Variants in ABCC6 observed in about 807,000 individuals in gnomAD.
ABCC6 encodes the protein ATP binding cassette subfamily C member 6.
ABCC6 carries 126 observed loss-of-function variants against 169.5 expected under a neutral mutation model. That is an observed-to-expected ratio of 0.74 (90% CI 0.64 to 0.86). ABCC6 has a LOEUF of 0.86. ABCC6 is among the 40% of genes least tolerant of loss of function. The pLI is 0.00. For missense variants in ABCC6, 1,733 were observed against 1,927.2 expected (o/e 0.90, Z 1.89); for synonymous variants, 752 against 814.7 (o/e 0.92, Z 1.31).
At position 16,177,315 on chromosome 16, in the gene ABCC6, G is replaced by A; in HGVS notation, c.2590+137C>T. 5.3e-6 allele frequency: 5 copies of A among 946,870 alleles called. No individual in the cohort carries two copies. The South Asian group carries it at 6.5e-5, about 12-fold the overall frequency. The allele number at this position is 946,870 out of a possible 1,614,324, so 58.7% of individuals were successfully genotyped here. A position where few individuals can be genotyped will look rare whatever the true frequency, so the allele number is the denominator to read the frequency against. On this transcript the variant is annotated intron_variant, in intron 19 of 30. Transcript: ENST00000205557. ...TGGAGAAAGGTGACCTATTAAGAGA[G>A]CTGTCTGCTTCCAGGCCTAGGCCTG...
At chr16:16,203,345 G>T (rs2048301606) in intron 8 of ABCC6, 65 bp downstream of exon 8, 1 of 1,608,832 alleles carries the variant, frequency 6.2e-7, no homozygotes, top group East Asian at 2.2e-5. Flanking sequence ...GAAGCCCCCT[G>T]GCCCTGGAAG....
chr16:16,179,065 G>A (rs2047386518), intron 17 of ABCC6, 100 bp from the exon 18 acceptor site: 2 of 1,327,876 alleles, frequency 1.5e-6, no homozygotes, highest in African/African-American at 1.5e-5. Flanking sequence ...CCATCAGGGT[G>A]AGGTACAGCT....
At chr16:16,206,929 G>C (rs1345210996) in intron 7 of ABCC6, among the ~76,000 whole-genome samples, 1 of 152,160 alleles carries the variant, frequency 6.6e-6, no homozygotes, top group African/African-American at 2.4e-5. Flanking sequence ...CTGAGGTCAG[G>C]AGTTCAAGAT....
chr16:16,189,205 G>T (rs755870681), intron 12 of ABCC6, among the ~76,000 whole-genome samples: 1 of 152,216 alleles, frequency 6.6e-6, no homozygotes, highest in South Asian at 2.1e-4. Context: ...TGATGAGTGC[G>T]CAGCCCCACG....
chr16:16,212,537 T>C (rs2048670628), intron 5 of ABCC6, among the ~76,000 whole-genome samples: 1 of 150,984 alleles, frequency 6.6e-6, no homozygotes, highest in South Asian at 2.1e-4. Context: ...CTCAAACTCC[T>C]AACCTCAAGT....
At chr16:16,161,364 G>T in intron 25 of ABCC6, 74 bp downstream of exon 25, 1 of 1,606,556 alleles carries the variant, frequency 6.2e-7, no homozygotes, top group South Asian at 1.1e-5. Flanking sequence ...GTCTTCAAAG[G>T]TCCCACTAGC....
intron 4 of ABCC6, among the ~76,000 whole-genome samples, chr16:16,217,166 A>G (rs1596767940): frequency 6.6e-6 from 1 of 152,074 alleles, no homozygotes; most frequent in East Asian, 1.9e-4. Flanking sequence ...TGGATTTTAT[A>G]CTCTTCTAGT....
chr16:16,187,413 G>A (rs1596671074), intron 13 of ABCC6, among the ~76,000 whole-genome samples: 2 of 152,196 alleles, frequency 1.3e-5, no homozygotes, highest in African/African-American at 2.4e-5. Context: ...CCACCTCTGC[G>A]ATCCTACAAA....
chr16:16,163,173 G>A lies in ABCC6; in HGVS notation c.3326C>T (p.Ser1109Leu), dbSNP rs758648156. 4.3e-6 allele frequency: 7 copies of A among 1,613,540 alleles called. No homozygotes were observed. The highest frequency in any genetic ancestry group is 5.9e-6 in the Non-Finnish European group (7 of 1,180,016). ...TGACTCCAAGCGTCTCAGCTGGCAT[G>A]AGCTAACCACATACAGGCTCTGAGA... ...AGFQSLYVVSSCQLRRLESAS... is the reference protein window; with the variant it reads ...AGFQSLYVVSLCQLRRLESAS... The change falls in exon 24 of 31, where the codon TCA becomes TTA. Residue 1109 changes from serine (S) to leucine (L), a missense_variant. This residue lies in a region of ABCC6 where 1,601 missense variants were observed against 1,635.5 expected (regional missense o/e 0.98). Transcript: ENST00000205557.
chr16:16,206,865 A>G (rs796879650), intron 7 of ABCC6, among the ~76,000 whole-genome samples: 12 of 152,126 alleles, frequency 7.9e-5, no homozygotes, highest in African/African-American at 2.9e-4. Context: ...AGTCAGGTGC[A>G]GTAGCTCACA....
chr16:16,217,489 C>G lies in ABCC6; in HGVS notation c.474+2065G>C, dbSNP rs570997026. On this transcript the variant is annotated intron_variant, in intron 4 of 30. Transcript: ENST00000205557. Reference sequence around the variant, plus strand: ...CTTTGGGAGGCTTAGGTGGAAAGATCGCTTGAGCCCAGGAGTTTGAGACCA... The same window carrying G: ...CTTTGGGAGGCTTAGGTGGAAAGATGGCTTGAGCCCAGGAGTTTGAGACCA... Among the ~76,000 whole-genome samples the G allele has an allele frequency of 9.3e-3, 1,415 of 152,146 alleles. 14 individuals carry two copies. The highest frequency in any genetic ancestry group is 0.03 in the African/African-American group (1,235 of 41,498).
At chr16:16,209,132 G>A (rs1372441830) in intron 6 of ABCC6, among the ~76,000 whole-genome samples, 1 of 152,106 alleles carries the variant, frequency 6.6e-6, no homozygotes, top group Non-Finnish European at 1.5e-5. Flanking sequence ...CTCCCAGGCT[G>A]GAGTGCAGTG....
At position 16,208,727 on chromosome 16, in the gene ABCC6, C is replaced by T. The variant is rs775749515; in HGVS notation, c.794+1G>A. 6.2e-7 allele frequency: 1 copy of T among 1,613,500 alleles called. No individual in the cohort carries two copies. The highest frequency in any genetic ancestry group is 8.5e-7 in the Non-Finnish European group (1 of 1,179,546). On this transcript the variant is annotated splice_donor_variant, in intron 7 of 30. Coordinates refer to ENST00000205557, the MANE Select transcript of ABCC6 (RefSeq NM_001171.6). LOFTEE classifies it high-confidence loss of function. Reference sequence around the variant, plus strand: ...TGAGTTCTTGACCTCCACCCACTTACCTCCGGGCTGCACTGCGGTTCCTCA... The same window carrying T: ...TGAGTTCTTGACCTCCACCCACTTATCTCCGGGCTGCACTGCGGTTCCTCA...
At chr16:16,171,841 TGGGATGGATAAATGAGTTGGTGGGA>T (rs2047084541) in intron 21 of ABCC6, among the ~76,000 whole-genome samples, 1 of 125,124 alleles carries the variant, frequency 8.0e-6, no homozygotes, top group Non-Finnish European at 1.7e-5. Context: ...AATGAGTGGG[TGGGATGGATAAATGAGTTGGTGGGA>T]GGGATGGATA....
chr16:16,214,111 A>G lies in ABCC6; in HGVS notation c.600+213T>C, dbSNP rs4780616. On this transcript the variant is annotated intron_variant, in intron 5 of 30. Coordinates refer to ENST00000205557, the MANE Select transcript of ABCC6 (RefSeq NM_001171.6). Reference sequence around the variant, plus strand: ...TTGCGTTCAATGGCAGAGTTGAGTAATTGCCACTGAGATCACTGTATGGCT... The same window carrying G: ...TTGCGTTCAATGGCAGAGTTGAGTAGTTGCCACTGAGATCACTGTATGGCT... 6.8e-4 allele frequency among the ~76,000 whole-genome samples: 103 copies of G among 152,346 alleles called. 1 individual carries two copies. The highest frequency in any genetic ancestry group is 6.0e-3 in the East Asian group (31 of 5,182).
rs201806988 is a variant in ABCC6, at chr16:16,159,479, C to G, written c.3735+3G>C. Reference sequence around the variant, plus strand: ...GACCCCCTCCCCACCTCCCGCCCATCACCTCCTTGGGCGTCCAGGCATAGT... The same window carrying G: ...GACCCCCTCCCCACCTCCCGCCCATGACCTCCTTGGGCGTCCAGGCATAGT... On this transcript the variant is annotated splice_donor_region_variant and intron_variant, in intron 26 of 30. Transcript: ENST00000205557. The G allele has an allele frequency of 1.2e-6, 2 of 1,613,570 alleles. No homozygotes were observed. Among genetic ancestry groups the G allele is most frequent in the East Asian group, 4.5e-5 (2 of 44,874 alleles).
chr16:16,160,898 A>G (rs978267840), intron 25 of ABCC6, among the ~76,000 whole-genome samples: 2 of 152,156 alleles, frequency 1.3e-5, no homozygotes, highest in Admixed American at 6.6e-5. Flanking sequence ...GTGTATATAT[A>G]TATTTTTTTC....
intron 12 of ABCC6, among the ~76,000 whole-genome samples, 188 bp from the exon 13 acceptor site, chr16:16,189,162 G>T (rs180775089): frequency 6.6e-6 from 1 of 152,166 alleles, no homozygotes; most frequent in African/African-American, 2.4e-5. Context: ...GCTACATAAG[G>T]CTCTCTCTAA....
intron 26 of ABCC6, among the ~76,000 whole-genome samples, chr16:16,158,147 G>A (rs1336177089): frequency 3.9e-5 from 6 of 152,062 alleles, no homozygotes; most frequent in African/African-American, 1.2e-4. Context: ...TGCTGTTCCC[G>A]TGACCTTGAA....
Sources: allele counts gnomAD v4.1 joint callset (sites outside exome capture counted in the v4.1 genomes callset), GRCh38; gene constraint gnomAD v4.1.1; regional missense constraint gnomAD v4.1.1; transcripts MANE v1.5; gene names NCBI Gene and HGNC (gene_info 2026-07-23, HGNC 2026-07-21).